Variants in CALD1 observed in about 807,000 individuals in gnomAD.
CALD1 encodes the protein caldesmon.
CALD1 carries 33 observed loss-of-function variants against 99.9 expected under a neutral mutation model. That is an observed-to-expected ratio of 0.33 (90% CI 0.25 to 0.44). CALD1 has a LOEUF of 0.44. Ranked by LOEUF, CALD1 falls within the 20% of genes least tolerant of loss-of-function variation. The pLI is 1.00. For synonymous variants in CALD1, 310 were observed against 325.0 expected (o/e 0.95, Z 0.50); for missense variants, 861 against 962.1 (o/e 0.89, Z 1.39).
chr7:134,855,120 C>A lies in CALD1; in HGVS notation c.-42+11149C>A, dbSNP rs77276963. On this transcript the variant is annotated intron_variant, in intron 2 of 14. Transcript: ENST00000361675. ...TGCAGAATCATGATCCAATTAAAGTCTTTTCTTTATAAATTACACAGTCTC... is the reference window on the plus strand; with the variant it reads ...TGCAGAATCATGATCCAATTAAAGTATTTTCTTTATAAATTACACAGTCTC... Among the ~76,000 whole-genome samples the A allele has an allele frequency of 6.7e-3, 1,028 of 152,334 alleles. 17 individuals carry two copies. Among genetic ancestry groups the A allele is most frequent in the African/African-American group, 0.024 (988 of 41,570 alleles).
chr7:134,869,452 G>T (rs1308895946), intron 3 of CALD1, among the ~76,000 whole-genome samples: 2 of 152,172 alleles, frequency 1.3e-5, no homozygotes, highest in African/African-American at 4.8e-5. Context: ...AGATAGTATG[G>T]TAATGAGGGC....
intron 1 of CALD1, among the ~76,000 whole-genome samples, chr7:134,807,841 T>G (rs1158598396): frequency 6.6e-6 from 1 of 152,148 alleles, no homozygotes; most frequent in Non-Finnish European, 1.5e-5. Flanking sequence ...TTGGCCAGGC[T>G]GGTCTTGAAC....
intron 2 of CALD1, among the ~76,000 whole-genome samples, chr7:134,859,563 A>G (rs1032450134): frequency 2.6e-5 from 4 of 152,212 alleles, no homozygotes; most frequent in Non-Finnish European, 5.9e-5. Context: ...GAAACTTTCA[A>G]GTTGGTTTAG....
chr7:134,711,726 G>GTCTC, the CALD1 span, among the ~76,000 whole-genome samples: 2,645 of 96,520 alleles, frequency 0.027, 64 homozygotes, highest in African/African-American at 0.049. Flanking sequence ...GTGTGTGTGT[G>GTCTC]TCTCTCTCTC....
chr7:134,928,937 C>T (rs371227876), intron 4 of CALD1, 37 bp downstream of exon 4: 5 of 1,541,954 alleles, frequency 3.2e-6, no homozygotes, highest in Non-Finnish European at 4.4e-6. Context: ...TTCTAACTTG[C>T]GTCTTAGCCT....
chr7:134,794,647 C>T (rs1220475050), intron 1 of CALD1, among the ~76,000 whole-genome samples: 3 of 152,066 alleles, frequency 2.0e-5, no homozygotes, highest in Admixed American at 2.0e-4. Context: ...CCACCACGCC[C>T]AGCTAATTTT....
chr7:134,761,392 A>G (rs1317535075), intron 1 of CALD1, among the ~76,000 whole-genome samples: 1 of 152,148 alleles, frequency 6.6e-6, no homozygotes, highest in Non-Finnish European at 1.5e-5. Flanking sequence ...ACTGCTCCAT[A>G]ATCTACTGAG....
In CALD1 at chr7:134,891,985, G is replaced by A. The variant is rs562119514; in HGVS notation, c.71+24181G>A. On this transcript the variant is annotated intron_variant, in intron 3 of 14. Coordinates refer to ENST00000361675, the MANE Select transcript of CALD1 (RefSeq NM_033138.4). ...TCCGTTTCAAATACCAATCCATAAAGCATTGTGTTTCTAAAGGTCTGCTGT... is the reference window on the plus strand; with the variant it reads ...TCCGTTTCAAATACCAATCCATAAAACATTGTGTTTCTAAAGGTCTGCTGT... 3.3e-5 allele frequency among the ~76,000 whole-genome samples: 5 copies of A among 152,254 alleles called. No homozygotes were observed. The East Asian group carries it at 9.7e-4, about 29-fold the overall frequency.
chr7:134,742,044 C>CACAT (rs1796596848), upstream of CALD1, among the ~76,000 whole-genome samples: 1 of 151,582 alleles, frequency 6.6e-6, no homozygotes, highest in African/African-American at 2.4e-5. Flanking sequence ...CACACACACA[C>CACAT]ACAGACACAC....
At chr7:134,937,636 C>CA (rs564323364) in intron 6 of CALD1, among the ~76,000 whole-genome samples, 11,093 of 97,224 alleles carry the variant, frequency 0.11, 435 homozygotes, top group African/African-American at 0.16. Context: ...CCTTTTTGTA[C>CA]AAAAAAAAAA....
chr7:134,839,903 T>C (rs962447997), intron 1 of CALD1, among the ~76,000 whole-genome samples: 1 of 152,196 alleles, frequency 6.6e-6, no homozygotes, highest in Non-Finnish European at 1.5e-5. Context: ...TTTTGTGAAA[T>C]GCCTGTTGAA....
At chr7:134,866,592 A>G (rs1241564672) in intron 2 of CALD1, among the ~76,000 whole-genome samples, 1 of 152,132 alleles carries the variant, frequency 6.6e-6, no homozygotes, top group Non-Finnish European at 1.5e-5. Flanking sequence ...TCAAAATCTA[A>G]GTTTTGTTTT....
intron 3 of CALD1, among the ~76,000 whole-genome samples, chr7:134,923,972 G>A (rs1804800536): frequency 6.6e-6 from 1 of 152,114 alleles, no homozygotes; most frequent in South Asian, 2.1e-4. Flanking sequence ...ATATAAAGTT[G>A]AAAACAATCT....
intron 2 of CALD1, among the ~76,000 whole-genome samples, chr7:134,846,552 T>C (rs189462214): frequency 2.0e-4 from 30 of 152,378 alleles, no homozygotes; most frequent in Admixed American, 3.9e-4. Flanking sequence ...TAAAGGTATT[T>C]ATTCATCTCT....
chr7:134,858,244 C>T (rs897547407), intron 2 of CALD1, among the ~76,000 whole-genome samples: 2 of 152,168 alleles, frequency 1.3e-5, no homozygotes, highest in Non-Finnish European at 2.9e-5. Flanking sequence ...TGTTACTTAA[C>T]TTGAAGTGTG....
intron 1 of CALD1, among the ~76,000 whole-genome samples, chr7:134,830,723 C>G (rs1451972423): frequency 6.6e-6 from 1 of 152,094 alleles, no homozygotes; most frequent in East Asian, 1.9e-4. Context: ...CCATCCATGT[C>G]CCTGAGAAGG....
chr7:134,770,101 A>T (rs1271828368), intron 1 of CALD1, among the ~76,000 whole-genome samples: 6 of 152,170 alleles, frequency 3.9e-5, no homozygotes, highest in Non-Finnish European at 8.8e-5. Flanking sequence ...ATAAATATTA[A>T]TTACCTTTCT....
At chr7:134,948,899 A>G (rs1424638039) in intron 8 of CALD1, among the ~76,000 whole-genome samples, 1 of 151,580 alleles carries the variant, frequency 6.6e-6, no homozygotes, top group Non-Finnish European at 1.5e-5. Flanking sequence ...TTTTAGACAT[A>G]GTCTTGCTCT....
chr7:134,732,929 A>ACT, the CALD1 span, among the ~76,000 whole-genome samples: 1 of 152,258 alleles, frequency 6.6e-6, no homozygotes, highest in African/African-American at 2.4e-5. Flanking sequence ...GCTTCTTAGC[A>ACT]AATCTCTTGG....
Sources: gnomAD v4.1 joint callset for allele counts (sites outside exome capture counted in the v4.1 genomes callset) on GRCh38, gnomAD v4.1.1 for gene constraint, MANE v1.5 for transcripts, NCBI Gene and HGNC (gene_info 2026-07-23, HGNC 2026-07-21) for gene names.